IL1RL1: variants seen among roughly 807,000 people sequenced by gnomAD.
IL1RL1 encodes the protein interleukin-1 receptor-like 1.
Under a neutral mutation model 50.9 loss-of-function variants are expected in IL1RL1, and 32 were observed. The observed-to-expected ratio is 0.63, with a 90% CI of 0.47 to 0.84. The LOEUF is 0.84. Ranked by LOEUF, IL1RL1 falls within the 40% of genes least tolerant of loss-of-function variation. The pLI is 0.00. For missense variants in IL1RL1, 773 were observed against 662.9 expected (o/e 1.17, Z -1.82); for synonymous variants, 275 against 236.0 (o/e 1.17, Z -1.51).
At chr2:102,321,212 T>C (rs149131130) in intron 1 of IL1RL1, among the ~76,000 whole-genome samples, 112 of 152,346 alleles carry the variant, frequency 7.4e-4, no homozygotes, top group African/African-American at 2.6e-3. Flanking sequence ...TTTTTCTCCT[T>C]AAGTGGATCA....
In IL1RL1 at chr2:102,351,405, T is replaced by G. The variant is rs941415902; in HGVS notation, c.1286-131T>G. On this transcript the variant is annotated intron_variant, in intron 10 of 10. Coordinates refer to ENST00000233954, the MANE Select transcript of IL1RL1 (RefSeq NM_016232.5). ...TTCTCTATCCACACATACTTCCACT[T>G]CTCTGAGTAAGTGACTTGATGTCAG... 8 of 806,048 alleles carry G rather than the reference T, an allele frequency of 9.9e-6. No individual in the cohort carries two copies. The African/African-American group carries it at 1.1e-4, about 11-fold the overall frequency. The allele number at this position is 806,048 out of a possible 1,614,324, so 49.9% of individuals were successfully genotyped here.
At chr2:102,323,273 A>ATAGTGT (rs1303334375) in intron 1 of IL1RL1, among the ~76,000 whole-genome samples, 1 of 48,498 alleles carries the variant, frequency 2.1e-5, no homozygotes, top group African/African-American at 7.0e-5. Context: ...ATATATATAT[A>ATAGTGT]GTGTGTGTGT....
In IL1RL1 at chr2:102,349,136, A is replaced by T. The variant is rs762795383; in HGVS notation, c.1175A>T (p.Asp392Val). Reference protein sequence around the residue: ...VYPRNYKSSTDGASRVEHFVH... With the variant: ...VYPRNYKSSTVGASRVEHFVH... ...CCACGGAACTACAAATCCAGTACAG[A>T]TGGGGCCAGTCGTGTAGAGCACTTT... Residue 392 changes from aspartate to valine, a missense_variant, in exon 10 of 11, where the codon GAT (aspartate) becomes GTT (valine). Asp to Val is a radical substitution (Grantham distance 152). Coordinates refer to ENST00000233954, the MANE Select transcript of IL1RL1 (RefSeq NM_016232.5). 2 of 1,613,412 alleles carry T rather than the reference A, an allele frequency of 1.2e-6. No homozygotes were observed. Among genetic ancestry groups the T allele is most frequent in the African/African-American group, 2.7e-5 (2 of 74,914 alleles).
intron 1 of IL1RL1, among the ~76,000 whole-genome samples, chr2:102,330,655 T>C (rs1677150666): frequency 6.6e-6 from 1 of 152,240 alleles, no homozygotes; most frequent in Non-Finnish European, 1.5e-5. Flanking sequence ...CTATTTTATC[T>C]TTTTCATATG....
At chr2:102,339,661 C>A (rs1677465681) in intron 3 of IL1RL1, among the ~76,000 whole-genome samples, 1 of 152,202 alleles carries the variant, frequency 6.6e-6, no homozygotes. Context: ...CAGCAAGTTA[C>A]TTCTCTGCCC....
intron 1 of IL1RL1, among the ~76,000 whole-genome samples, chr2:102,312,250 G>A (rs1006938569): frequency 6.9e-6 from 1 of 145,904 alleles, no homozygotes; most frequent in Non-Finnish European, 1.5e-5. Context: ...GGTGCCTTAT[G>A]CAAATGAAGG....
At position 102,351,171 on chromosome 2, in the gene IL1RL1, T is replaced by A. The variant is rs139493990; in HGVS notation, c.1286-365T>A. 2.8e-3 allele frequency among the ~76,000 whole-genome samples: 425 copies of A among 152,288 alleles called. 2 individuals are homozygous for A. Among genetic ancestry groups the A allele is most frequent in the Middle Eastern group, 0.01 (3 of 294 alleles). On this transcript the variant is annotated intron_variant, in intron 10 of 10. Transcript: ENST00000233954. Reference sequence around the variant, plus strand: ...AAATTTTAAGCCATTGAAAAACATATAAGCAAATATTCTAAGAAGATAATA... The same window carrying A: ...AAATTTTAAGCCATTGAAAAACATAAAAGCAAATATTCTAAGAAGATAATA...
intron 8 of IL1RL1, 58 bp downstream of exon 8, chr2:102,343,473 A>G (rs1330198962): frequency 6.2e-7 from 1 of 1,613,766 alleles, no homozygotes; most frequent in African/African-American, 1.3e-5. Flanking sequence ...GTGTAAGCAG[A>G]ATGGAGTGTG....
At chr2:102,331,042 C>A (rs1416432217) in intron 1 of IL1RL1, among the ~76,000 whole-genome samples, 1 of 152,146 alleles carries the variant, frequency 6.6e-6, no homozygotes, top group Non-Finnish European at 1.5e-5. Context: ...AATCAAACAT[C>A]AATTTACTAT....
At chr2:102,340,022 A>T in intron 3 of IL1RL1, 76 bp from the exon 4 acceptor site, 1 of 796,390 alleles carries the variant, frequency 1.3e-6, no homozygotes. Flanking sequence ...AAGCAATATT[A>T]AGTAAAGGCT....
At chr2:102,349,391 A>T in intron 10 of IL1RL1, 145 bp downstream of exon 10, 1 of 644,252 alleles carries the variant, frequency 1.6e-6, no homozygotes. Context: ...ATCCAGAAGC[A>T]GACACTTATC....
chr2:102,313,768 C>T (rs115590757), intron 1 of IL1RL1, among the ~76,000 whole-genome samples: 2,096 of 152,282 alleles, frequency 0.014, 52 homozygotes, highest in African/African-American at 0.048. Flanking sequence ...GGATACAATG[C>T]AGGAGTCTTA....
chr2:102,334,080 A>G (rs1053231450), intron 1 of IL1RL1, among the ~76,000 whole-genome samples: 1 of 152,024 alleles, frequency 6.6e-6, no homozygotes, highest in South Asian at 2.1e-4. Flanking sequence ...TTTATACACT[A>G]ATTTCTTTTC....
At chr2:102,341,468 G>A (rs1677561337) in intron 5 of IL1RL1, 3 of 465,038 alleles carry the variant, frequency 6.5e-6, no homozygotes, top group South Asian at 8.3e-5. Flanking sequence ...AAAGGATTGG[G>A]GTCTCCTTAG....
At chr2:102,341,423 G>T in intron 5 of IL1RL1, 2 of 852,460 alleles carry the variant, frequency 2.3e-6, no homozygotes, top group Non-Finnish European at 1.5e-6. Context: ...GCTTATTTAA[G>T]GGAAAGATTT....
chr2:102,322,769 G>A (rs927821069), intron 1 of IL1RL1, among the ~76,000 whole-genome samples: 3 of 152,134 alleles, frequency 2.0e-5, no homozygotes, highest in Non-Finnish European at 2.9e-5. Context: ...AGCACAGAAA[G>A]CATTTCTTCT....
At chr2:102,345,474 A>C in intron 8 of IL1RL1, 1 of 985,436 alleles carries the variant, frequency 1.0e-6, no homozygotes, top group Non-Finnish European at 1.2e-6. Context: ...TGTGCCTGTC[A>C]AATAGCCAAA....
chr2:102,319,466 A>G (rs1676775198), intron 1 of IL1RL1, among the ~76,000 whole-genome samples: 1 of 152,238 alleles, frequency 6.6e-6, no homozygotes, highest in Non-Finnish European at 1.5e-5. Flanking sequence ...GAAGGTAAAT[A>G]TTAGCCTTCA....
chr2:102,315,498 T>A (rs1676650975), intron 1 of IL1RL1, among the ~76,000 whole-genome samples: 1 of 152,196 alleles, frequency 6.6e-6, no homozygotes, highest in African/African-American at 2.4e-5. Flanking sequence ...CAAGTTTTCT[T>A]GGATTTCATG....
Sources: gnomAD v4.1 joint callset for allele counts (sites outside exome capture counted in the v4.1 genomes callset) on GRCh38, gnomAD v4.1.1 for gene constraint, MANE v1.5 for transcripts, NCBI Gene and HGNC (gene_info 2026-07-23, HGNC 2026-07-21) for gene names.